The following DPYD variants were observed in gnomAD, a reference collection of about 807,000 sequenced individuals.
The protein encoded by DPYD is dihydropyrimidine dehydrogenase.
DPYD carries 109 observed loss-of-function variants against 116.2 expected under a neutral mutation model. The observed-to-expected ratio is 0.94, with a 90% CI of 0.80 to 1.10. The LOEUF (loss-of-function observed/expected upper bound fraction) is 1.10. Ranked by LOEUF, DPYD falls within the 50% of genes least tolerant of loss-of-function variation. DPYD has a pLI of 0.00. For synonymous variants in DPYD, 440 were observed against 432.0 expected (o/e 1.02, Z -0.23); for missense variants, 1,302 against 1,254.5 (o/e 1.04, Z -0.57).
chr1:97,650,650 T>TA (rs1293866816), intron 8 of DPYD, among the ~76,000 whole-genome samples: 1 of 152,144 alleles, frequency 6.6e-6, no homozygotes, highest in Admixed American at 6.6e-5. Flanking sequence ...AGAGGCAAGT[T>TA]AAACAAACAG....
At chr1:97,450,753 G>C (rs10783066) in intron 13 of DPYD, among the ~76,000 whole-genome samples, 125,214 of 151,808 alleles carry the variant, frequency 0.82, 51,957 homozygotes, top group East Asian at 0.88. Flanking sequence ...CTGGTTATGT[G>C]AAATTACTTA....
At chr1:97,113,862 T>A (rs1420463278) in intron 20 of DPYD, among the ~76,000 whole-genome samples, 1 of 152,110 alleles carries the variant, frequency 6.6e-6, no homozygotes, top group Non-Finnish European at 1.5e-5. Context: ...TATAATCAAT[T>A]GTAAGACAAA....
intron 2 of DPYD, among the ~76,000 whole-genome samples, chr1:97,844,451 T>G (rs1670191403): frequency 6.6e-6 from 1 of 152,116 alleles, no homozygotes; most frequent in Non-Finnish European, 1.5e-5. Flanking sequence ...GGGCTGAAGT[T>G]TGAGTTAAAA....
chr1:97,118,348 T>C (rs1365275148), intron 20 of DPYD, among the ~76,000 whole-genome samples: 4 of 152,178 alleles, frequency 2.6e-5, no homozygotes, highest in Non-Finnish European at 4.4e-5. Context: ...TCCCACCCTG[T>C]CGTTAACCTT....
chr1:97,823,163 TG>T, intron 3 of DPYD, among the ~76,000 whole-genome samples: 1 of 152,138 alleles, frequency 6.6e-6, no homozygotes, highest in African/African-American at 2.4e-5. Context: ...TTTTGTTTTT[TG>T]TTTTTTTTGA....
Position 97,412,288 on chromosome 1 carries a change from A to G in DPYD, c.1906-29827T>C, listed in dbSNP as rs944979049. Among the ~76,000 whole-genome samples, 4 of 152,128 alleles carry G rather than the reference A, an allele frequency of 2.6e-5. No individual in the cohort carries two copies. The South Asian group carries it at 8.3e-4, about 32-fold the overall frequency. ...CTGAAGGCTTGAAAACAAACTATTTACTCCCTTAAATGTGCCTTTTTCTCA... is the reference window on the plus strand; with the variant it reads ...CTGAAGGCTTGAAAACAAACTATTTGCTCCCTTAAATGTGCCTTTTTCTCA... On this transcript the variant is annotated intron_variant, in intron 14 of 22. Transcript: ENST00000370192.
At chr1:97,223,787 T>G (rs1323058408) in intron 19 of DPYD, among the ~76,000 whole-genome samples, 1 of 152,066 alleles carries the variant, frequency 6.6e-6, no homozygotes, top group African/African-American at 2.4e-5. Context: ...GATCTGGGAC[T>G]AACAGTGAAA....
intron 16 of DPYD, among the ~76,000 whole-genome samples, chr1:97,336,047 A>G (rs1206115332): frequency 2.6e-5 from 4 of 152,174 alleles, no homozygotes; most frequent in African/African-American, 9.7e-5. Flanking sequence ...AAACAGCTTA[A>G]TAGTTTTTCC....
chr1:97,281,608 A>G (rs11589238), intron 18 of DPYD, among the ~76,000 whole-genome samples: 27,938 of 151,952 alleles, frequency 0.18, 3,234 homozygotes, highest in Non-Finnish European at 0.27. Context: ...TCAAATATGC[A>G]AATTTTATCT....
chr1:97,798,255 GAT>G (rs1667678044), intron 3 of DPYD, among the ~76,000 whole-genome samples: 1 of 151,860 alleles, frequency 6.6e-6, no homozygotes, highest in African/African-American at 2.4e-5. Flanking sequence ...CATATGTCTG[GAT>G]AGTCTCTCTG....
Position 97,274,307 on chromosome 1 carries a change from C to T in DPYD, c.2299+30952G>A, listed in dbSNP as rs1664784079. 2.0e-5 allele frequency among the ~76,000 whole-genome samples: 3 copies of T among 152,144 alleles called. No homozygotes were observed. The South Asian group carries it at 6.2e-4, about 32-fold the overall frequency. On this transcript the variant is annotated intron_variant, in intron 18 of 22. Transcript: ENST00000370192. ...CTCTCATGAAGGGTGTGGTACCATC[C>T]CTGTGGTAATGCATGAGTTCTAGCA...
intron 3 of DPYD, among the ~76,000 whole-genome samples, chr1:97,795,486 C>T (rs894250658): frequency 1.3e-5 from 2 of 151,912 alleles, no homozygotes; most frequent in Admixed American, 1.3e-4. Context: ...ACATAAAATA[C>T]GTTTTAAAAG....
chr1:97,173,918 G>T (rs1269477413), intron 20 of DPYD, among the ~76,000 whole-genome samples: 2 of 150,236 alleles, frequency 1.3e-5, no homozygotes, highest in Non-Finnish European at 3.0e-5. Flanking sequence ...TTTCCAATTT[G>T]CAATACTAAT....
At chr1:97,871,094 T>C (rs974606896) in intron 2 of DPYD, among the ~76,000 whole-genome samples, 1 of 151,970 alleles carries the variant, frequency 6.6e-6, no homozygotes, top group African/African-American at 2.4e-5. Flanking sequence ...GCAAAGATGT[T>C]TCTTATTTGC....
In DPYD at chr1:97,208,246, CTCTT is replaced by C. The variant is rs375270766; in HGVS notation, c.2443-15002_2443-14999del. On this transcript the variant is annotated intron_variant, in intron 19 of 22. Transcript: ENST00000370192. ...TTTCTTTTCTTTCTCTTTCTTCTTT[CTCTT>C]TCTTTCTTTCTTTCTTTTTCTTTCT... 7.8e-3 allele frequency among the ~76,000 whole-genome samples: 1,009 copies of C among 130,178 alleles called. 9 individuals are homozygous for C. The highest frequency in any genetic ancestry group is 0.024 in the African/African-American group (846 of 35,202). The allele number at this position is 130,178 out of a possible 152,430, so 85.4% of individuals were successfully genotyped here. A position where few individuals can be genotyped will look rare whatever the true frequency, so the allele number is the denominator to read the frequency against.
intron 20 of DPYD, among the ~76,000 whole-genome samples, chr1:97,130,850 C>G (rs1237834727): frequency 4.9e-5 from 6 of 123,342 alleles, no homozygotes; most frequent in Non-Finnish European, 8.7e-5. Context: ...TTCCTTCCTT[C>G]CTTCCTTCCT....
intron 20 of DPYD, among the ~76,000 whole-genome samples, chr1:97,128,000 T>A (rs1359387079): frequency 6.6e-6 from 1 of 152,206 alleles, no homozygotes; most frequent in African/African-American, 2.4e-5. Flanking sequence ...GAGTGCTTAA[T>A]AAATGTGTGA....
chr1:97,119,129 C>G (rs11165784), intron 20 of DPYD, among the ~76,000 whole-genome samples: 25,109 of 151,860 alleles, frequency 0.17, 2,206 homozygotes, highest in East Asian at 0.31. Context: ...CATAACAGAG[C>G]TCAAACAGAA....
At chr1:97,139,043 GT>G (rs1208838632) in intron 20 of DPYD, among the ~76,000 whole-genome samples, 1 of 152,052 alleles carries the variant, frequency 6.6e-6, no homozygotes, top group Non-Finnish European at 1.5e-5. Context: ...ATTGAGTTTG[GT>G]CCTTTCGAAA....
Sources: gnomAD v4.1 joint callset for allele counts (sites outside exome capture counted in the v4.1 genomes callset) on GRCh38, gnomAD v4.1.1 for gene constraint, MANE v1.5 for transcripts, NCBI Gene and HGNC (gene_info 2026-07-23, HGNC 2026-07-21) for gene names.